Variants in DMD observed in about 807,000 individuals in gnomAD.
DMD encodes mutant dystrophin.
Under a neutral mutation model 330.1 loss-of-function variants are expected in DMD, and 63 were observed. That is an observed-to-expected ratio of 0.19 (90% CI 0.16 to 0.24). The LOEUF is 0.24. Ranked by LOEUF, DMD falls within the 10% of genes least tolerant of loss-of-function variation. DMD has a pLI of 1.00. For synonymous variants in DMD, 1,223 were observed against 959.8 expected (o/e 1.27, Z -5.07); for missense variants, 3,344 against 2,684.1 (o/e 1.25, Z -5.43).
intron 37 of DMD, 67 bp downstream of exon 37, chrX:32,362,721 G>A: frequency 1.7e-6 from 2 of 1,152,051 alleles, no homozygotes; most frequent in Non-Finnish European, 2.4e-6. Flanking sequence ...GCCCCTTTCA[G>A]AGTACTGCGC....
intron 11 of DMD, among the ~76,000 whole-genome samples, chrX:32,616,410 T>A (rs185216566): frequency 2.7e-5 from 3 of 111,296 alleles, no homozygotes; most frequent in Admixed American, 1.9e-4. Flanking sequence ...TGAAATTATT[T>A]ATTTACATAG....
At chrX:32,188,594 T>C (rs1210225348) in intron 44 of DMD, among the ~76,000 whole-genome samples, 1 of 108,014 alleles carries the variant, frequency 9.3e-6, no homozygotes, top group African/African-American at 3.4e-5. Context: ...CTCTCACTTG[T>C]AAACCACTAA....
At chrX:32,958,929 A>G (rs1041733481) in intron 2 of DMD, among the ~76,000 whole-genome samples, 2 of 110,912 alleles carry the variant, frequency 1.8e-5, no homozygotes, top group Admixed American at 1.9e-4. Flanking sequence ...AACATGCAGA[A>G]CTGCTTTAAA....
intron 16 of DMD, among the ~76,000 whole-genome samples, chrX:32,558,206 G>C (rs1462699104): frequency 9.0e-6 from 1 of 111,221 alleles, no homozygotes; most frequent in Admixed American, 9.6e-5. Context: ...GATGTATGTT[G>C]TCTTCTGGAT....
chrX:31,709,576 CTCTCTG>C (rs1336305006), intron 52 of DMD, among the ~76,000 whole-genome samples: 1 of 87,579 alleles, frequency 1.1e-5, no homozygotes. Context: ...CTCTCTCTCT[CTCTCTG>C]TCTGTGTGTG....
At chrX:32,084,821 C>T (rs1053492876) in intron 44 of DMD, among the ~76,000 whole-genome samples, 1 of 110,984 alleles carries the variant, frequency 9.0e-6, no homozygotes, top group Admixed American at 9.7e-5. Context: ...GAAATGGGGT[C>T]TCGGAAGGCG....
At chrX:32,295,504 A>T (rs1316249265) in intron 42 of DMD, among the ~76,000 whole-genome samples, 1 of 112,580 alleles carries the variant, frequency 8.9e-6, no homozygotes, top group Non-Finnish European at 1.9e-5. Context: ...TATCAGCCTC[A>T]AATGTGAGAT....
At chrX:32,976,135 C>T (rs1234453974) in intron 2 of DMD, among the ~76,000 whole-genome samples, 2 of 110,342 alleles carry the variant, frequency 1.8e-5, no homozygotes, top group Non-Finnish European at 1.9e-5. Context: ...GCAGGAGAAT[C>T]GCTTGAAGCT....
chrX:32,455,653 T>C lies in DMD; in HGVS notation c.3433-821A>G, dbSNP rs1396798408. ...AGAGACTAACATGTACAATATTTAA[T>C]TCAGCTTTAAAGACCAAACATCTTG... is the stretch of plus-strand genomic sequence containing the variant. On this transcript the variant is annotated intron_variant, in intron 25 of 78. Coordinates refer to ENST00000357033, the MANE Select transcript of DMD (RefSeq NM_004006.3). 2.7e-5 allele frequency among the ~76,000 whole-genome samples: 3 copies of C among 111,298 alleles called. No individual in the cohort carries two copies. In the East Asian group the frequency reaches 8.5e-4, roughly 31 times the overall value.
chrX:32,175,859 G>A (rs1436595192), intron 44 of DMD, among the ~76,000 whole-genome samples: 8 of 111,695 alleles, frequency 7.2e-5, no homozygotes, highest in South Asian at 3.7e-4. Context: ...GCATTACTAC[G>A]GAGGGAGGTG....
chrX:32,018,661 C>A (rs1245693373), intron 44 of DMD, among the ~76,000 whole-genome samples: 1 of 111,325 alleles, frequency 9.0e-6, no homozygotes, highest in East Asian at 2.8e-4. Context: ...TCATTTATTT[C>A]GGCATATATA....
intron 1 of DMD, among the ~76,000 whole-genome samples, chrX:33,164,166 T>C (rs1400880662): frequency 9.0e-6 from 1 of 111,677 alleles, no homozygotes; most frequent in Non-Finnish European, 1.9e-5. Flanking sequence ...TATGACAGAG[T>C]ATTACACACA....
At chrX:32,185,018 C>G (rs1260664688) in intron 44 of DMD, among the ~76,000 whole-genome samples, 1 of 110,292 alleles carries the variant, frequency 9.1e-6, no homozygotes, top group Non-Finnish European at 1.9e-5. Flanking sequence ...TTACCTGTGA[C>G]AAGAAATATA....
chrX:31,779,685 TTGTGTGTGTG>T (rs34110475), intron 50 of DMD, among the ~76,000 whole-genome samples: 13,079 of 99,971 alleles, frequency 0.13, 604 homozygotes, highest in East Asian at 0.2. Context: ...GATACACACA[TTGTGTGTGTG>T]TGTGTGTGTG....
At chrX:32,503,700 CGT>C (rs1569564945) in intron 18 of DMD, among the ~76,000 whole-genome samples, 3 of 110,124 alleles carry the variant, frequency 2.7e-5, no homozygotes, top group Non-Finnish European at 5.7e-5. Flanking sequence ...GGATTACAGG[CGT>C]GCACCACCAC....
intron 63 of DMD, among the ~76,000 whole-genome samples, chrX:31,245,311 C>T (rs182125253): frequency 1.3e-4 from 15 of 112,057 alleles, no homozygotes; most frequent in Admixed American, 1.0e-3. Flanking sequence ...AAACCCTCAT[C>T]TGTATCTTTC....
intron 54 of DMD, among the ~76,000 whole-genome samples, chrX:31,654,398 G>A (rs112469486): frequency 4.1e-4 from 46 of 111,487 alleles, no homozygotes; most frequent in African/African-American, 1.4e-3. Context: ...TACCTAAAAA[G>A]CTATAGTTAC....
At chrX:32,721,737 T>A (rs1385451996) in intron 7 of DMD, among the ~76,000 whole-genome samples, 1 of 111,283 alleles carries the variant, frequency 9.0e-6, no homozygotes, top group East Asian at 2.8e-4. Context: ...GAAATTTTGA[T>A]GTGATATTCA....
intron 2 of DMD, among the ~76,000 whole-genome samples, chrX:32,916,879 T>A (rs2087857461): frequency 9.0e-6 from 1 of 111,654 alleles, no homozygotes; most frequent in African/African-American, 3.3e-5. Flanking sequence ...AAGAGAATAA[T>A]TATAATGATC....
Sources: allele counts gnomAD v4.1 joint callset (sites outside exome capture counted in the v4.1 genomes callset), GRCh38; gene constraint gnomAD v4.1.1; transcripts MANE v1.5; gene names NCBI Gene and HGNC (gene_info 2026-07-23, HGNC 2026-07-21).